Variants in ZC3H12B observed in about 807,000 individuals in gnomAD.
ZC3H12B encodes zinc finger CCCH-type containing 12B, also known as probable ribonuclease ZC3H12B.
A neutral mutation model predicts 43.9 loss-of-function variants in ZC3H12B; 7 were observed. That is an observed-to-expected ratio of 0.16 (90% CI 0.09 to 0.30). The LOEUF is 0.30. Among genes scored for constraint, ZC3H12B ranks in the 10% least tolerant of loss-of-function variants. ZC3H12B has a pLI of 1.00. For synonymous variants in ZC3H12B, 222 were observed against 241.7 expected (o/e 0.92, Z 0.76); for missense variants, 475 against 670.2 (o/e 0.71, Z 3.22).
intron 3 of ZC3H12B, among the ~76,000 whole-genome samples, chrX:65,476,677 G>T (rs754546814): frequency 9.0e-6 from 1 of 111,385 alleles, no homozygotes; most frequent in African/African-American, 3.3e-5. Flanking sequence ...GTGTGATTTA[G>T]TATGTTAATG....
intron 2 of ZC3H12B, among the ~76,000 whole-genome samples, chrX:65,394,461 CT>C (rs1412286742): frequency 2.7e-5 from 3 of 112,347 alleles, no homozygotes; most frequent in Non-Finnish European, 5.6e-5. Flanking sequence ...AATAGCGAAT[CT>C]TTTCCCTATT....
chrX:65,350,789 A>T, the ZC3H12B span, among the ~76,000 whole-genome samples: 82 of 111,947 alleles, frequency 7.3e-4, no homozygotes, highest in African/African-American at 2.5e-3. Context: ...TTAAAGGATA[A>T]CTATAAACCA....
chrX:65,204,242 A>G, the ZC3H12B span, among the ~76,000 whole-genome samples: 2 of 111,988 alleles, frequency 1.8e-5, no homozygotes, highest in Non-Finnish European at 3.8e-5. Context: ...TTGCTTTTCT[A>G]TGTGGATACT....
the ZC3H12B span, among the ~76,000 whole-genome samples, chrX:65,224,924 G>C: frequency 8.9e-6 from 1 of 112,217 alleles, no homozygotes; most frequent in Non-Finnish European, 1.9e-5. Flanking sequence ...GCCTGCCTCT[G>C]TAGGCTCCAA....
At chrX:65,096,420 G>A in the ZC3H12B span, among the ~76,000 whole-genome samples, 3 of 111,632 alleles carry the variant, frequency 2.7e-5, no homozygotes, top group Middle Eastern at 4.6e-3. Flanking sequence ...GGATTCTAAT[G>A]GAAAAATAGA....
At chrX:65,435,295 C>G (rs1310441864) in intron 3 of ZC3H12B, among the ~76,000 whole-genome samples, 1 of 111,956 alleles carries the variant, frequency 8.9e-6, no homozygotes, top group Non-Finnish European at 1.9e-5. Context: ...CATCCAGCAA[C>G]ATTAGGAGCA....
the ZC3H12B span, among the ~76,000 whole-genome samples, chrX:65,279,480 T>C: frequency 9.0e-6 from 1 of 111,268 alleles, no homozygotes; most frequent in Non-Finnish European, 1.9e-5. Context: ...AAAGACTCTC[T>C]ATTCCATAAA....
the ZC3H12B span, among the ~76,000 whole-genome samples, chrX:65,291,604 A>T: frequency 3.6e-5 from 4 of 112,193 alleles, no homozygotes; most frequent in Admixed American, 9.4e-5. Context: ...TGAGACACAT[A>T]GAACCAGAGT....
the ZC3H12B span, among the ~76,000 whole-genome samples, chrX:65,137,895 C>T: frequency 8.9e-6 from 1 of 112,586 alleles, no homozygotes; most frequent in South Asian, 3.6e-4. Flanking sequence ...GTGGCATGAT[C>T]TCGGCCCACT....
chrX:65,364,932 T>C (rs2066153995), upstream of ZC3H12B, among the ~76,000 whole-genome samples: 1 of 111,497 alleles, frequency 9.0e-6, no homozygotes, highest in Admixed American at 9.5e-5. Flanking sequence ...TTGGTCTGGG[T>C]AGACACTTTC....
the ZC3H12B span, among the ~76,000 whole-genome samples, chrX:65,115,994 G>A: frequency 4.5e-5 from 5 of 111,126 alleles, no homozygotes; most frequent in Non-Finnish European, 9.5e-5. Flanking sequence ...CCCAGTCTGT[G>A]GGTTGTGTGT....
chrX:65,172,186 G>T, the ZC3H12B span, among the ~76,000 whole-genome samples: 1 of 112,486 alleles, frequency 8.9e-6, no homozygotes, highest in Non-Finnish European at 1.9e-5. Flanking sequence ...ATAATGACCA[G>T]TGATGACGAT....
chrX:65,433,279 A>G (rs1243189620), intron 3 of ZC3H12B, among the ~76,000 whole-genome samples: 1 of 112,133 alleles, frequency 8.9e-6, no homozygotes, highest in African/African-American at 3.2e-5. Context: ...GATGAGAGTC[A>G]CCACCCCTGC....
At chrX:65,475,145 C>CT in intron 3 of ZC3H12B, among the ~76,000 whole-genome samples, 1 of 112,217 alleles carries the variant, frequency 8.9e-6, no homozygotes, top group Non-Finnish European at 1.9e-5. Flanking sequence ...TCAGAATCTG[C>CT]TTTTTTATAT....
chrX:65,213,640 G>T, the ZC3H12B span, among the ~76,000 whole-genome samples: 1 of 110,862 alleles, frequency 9.0e-6, no homozygotes, highest in Non-Finnish European at 1.9e-5. Context: ...AGATAACTAT[G>T]AAGTGGTTAC....
the ZC3H12B span, among the ~76,000 whole-genome samples, chrX:65,328,795 G>A: frequency 2.0e-5 from 2 of 99,533 alleles, no homozygotes; most frequent in Non-Finnish European, 4.0e-5. Context: ...GAGAAAATGC[G>A]GTGTTTGGTT....
At chrX:65,288,858 A>T in the ZC3H12B span, among the ~76,000 whole-genome samples, 1 of 111,987 alleles carries the variant, frequency 8.9e-6, no homozygotes, top group African/African-American at 3.2e-5. Context: ...AAGACTTCAC[A>T]AAAGAACACT....
chrX:65,332,877 T>A, the ZC3H12B span, among the ~76,000 whole-genome samples: 1 of 112,320 alleles, frequency 8.9e-6, no homozygotes, highest in East Asian at 2.8e-4. Flanking sequence ...AGATAAATCA[T>A]GGTAAGACCA....
the ZC3H12B span, among the ~76,000 whole-genome samples, chrX:65,181,915 G>T: frequency 5.4e-5 from 6 of 111,574 alleles, no homozygotes; most frequent in Admixed American, 3.8e-4. Flanking sequence ...TATACCCAAA[G>T]GATTATAAAT....
Sources: gnomAD v4.1 joint callset for allele counts (sites outside exome capture counted in the v4.1 genomes callset) on GRCh38, gnomAD v4.1.1 for gene constraint, MANE v1.5 for transcripts, NCBI Gene and HGNC (gene_info 2026-07-23, HGNC 2026-07-21) for gene names.